MYBBP1A: variants seen among roughly 807,000 people sequenced by gnomAD.
The protein encoded by MYBBP1A is myb-binding protein 1A.
Under a neutral mutation model 136.3 loss-of-function variants are expected in MYBBP1A, and 147 were observed. That is an observed-to-expected ratio of 1.08 (90% confidence interval 0.94 to 1.24). The LOEUF is 1.24. Ranked by LOEUF, MYBBP1A falls within the 50% of genes most tolerant of loss-of-function variation. The pLI is 0.00. For missense variants in MYBBP1A, 2,060 were observed against 1,727.4 expected (o/e 1.19, Z -3.41); for synonymous variants, 947 against 735.8 (o/e 1.29, Z -4.65).
At chr17:4,543,309 C>T in intron 19 of MYBBP1A, 144 bp from the exon 20 acceptor site, 1 of 1,156,802 alleles carries the variant, frequency 8.6e-7, no homozygotes, top group Non-Finnish European at 1.2e-6. Flanking sequence ...GAGGAGGGCC[C>T]AGGGCCGCCT....
intron 23 of MYBBP1A, 67 bp from the exon 24 acceptor site, chr17:4,541,631 G>T (rs529816448): frequency 3.2e-6 from 5 of 1,548,912 alleles, no homozygotes; most frequent in East Asian, 2.2e-5. Context: ...TTCCCAGCCG[G>T]AAGTAAAGCC....
chr17:4,549,247 A>C, intron 10 of MYBBP1A, 85 bp downstream of exon 10: 1 of 1,177,080 alleles, frequency 8.5e-7, no homozygotes. Flanking sequence ...TTCTGGCTCC[A>C]GGGGATGCAA....
intron 19 of MYBBP1A, 43 bp downstream of exon 19, chr17:4,544,446 G>A (rs1446044660): frequency 2.6e-6 from 4 of 1,540,180 alleles, no homozygotes; most frequent in Non-Finnish European, 1.7e-6. Flanking sequence ...CTGCGCCTGG[G>A]GGCTGCCGGC....
chr17:4,540,259 C>T (rs1774011732), intron 25 of MYBBP1A, 89 bp downstream of exon 25: 1 of 1,471,306 alleles, frequency 6.8e-7, no homozygotes, highest in Non-Finnish European at 9.1e-7. Flanking sequence ...GCGTGTGCAG[C>T]AGCGTGTGTG....
intron 8 of MYBBP1A, 47 bp downstream of exon 8, chr17:4,551,833 C>A: frequency 6.4e-7 from 1 of 1,552,448 alleles, no homozygotes; most frequent in East Asian, 2.3e-5. Context: ...GGGAGAGCTC[C>A]ACGTCTAGCC....
In MYBBP1A at chr17:4,539,181, G is replaced by C; in HGVS notation, c.*234C>G. ...GCCCTGGACATGGCCCTGGAGCCAG[G>C]GTCCCAGCCCAGAACCGGGGGTGGG... On this transcript the variant is annotated 3_prime_UTR_variant, in exon 26 of 26. Transcript: ENST00000254718. 1 of 1,452,218 alleles carries C rather than the reference G, an allele frequency of 6.9e-7. No homozygotes were observed. The highest frequency in any genetic ancestry group is 9.0e-7 in the Non-Finnish European group (1 of 1,112,040). 90.0% of individuals were successfully genotyped at this position (1,452,218 alleles called of 1,614,324 possible).
rs909844679 is a variant in MYBBP1A, at chr17:4,549,420, G to A, written c.1342C>T (p.Leu448=). Reference sequence around the variant, plus strand: ...AATCGAAAGATGATCCATTTCCTCAGCCGGAACACAGCTCGCTCAGGCCTA... The same window carrying A: ...AATCGAAAGATGATCCATTTCCTCAACCGGAACACAGCTCGCTCAGGCCTA... The part of the protein sequence containing the change: ...LHMPERAVFR[L]RKWIIFRLVS... Residue 448 remains leucine, a synonymous_variant, in exon 10 of 26, where the codon CTG becomes TTG. Transcript: ENST00000254718. The A allele has an allele frequency of 5.0e-6, 8 of 1,612,934 alleles. No homozygotes were observed. Among genetic ancestry groups the A allele is most frequent in the Non-Finnish European group, 2.5e-6 (3 of 1,179,934 alleles).
chr17:4,544,371 G>A (rs996060496), intron 19 of MYBBP1A, 118 bp downstream of exon 19: 58 of 1,351,394 alleles, frequency 4.3e-5, no homozygotes, highest in Non-Finnish European at 1.2e-5. Flanking sequence ...GCGAGCTAGG[G>A]GCCCAGGCTG....
At chr17:4,543,538 A>G (rs1222994720) in intron 19 of MYBBP1A, among the ~76,000 whole-genome samples, 1 of 151,934 alleles carries the variant, frequency 6.6e-6, no homozygotes, top group Admixed American at 6.6e-5. Flanking sequence ...GTGGCCCTGC[A>G]GGGCCGGGGA....
At chr17:4,546,717 C>T (rs1907047854) in intron 13 of MYBBP1A, among the ~76,000 whole-genome samples, 1 of 152,182 alleles carries the variant, frequency 6.6e-6, no homozygotes, top group African/African-American at 2.4e-5. Context: ...GCGTGGTGTG[C>T]GCATGTGCGT....
At chr17:4,542,400 T>C (rs1192510638) in intron 22 of MYBBP1A, 64 bp downstream of exon 22, 1 of 1,518,052 alleles carries the variant, frequency 6.6e-7, no homozygotes, top group African/African-American at 1.4e-5. Flanking sequence ...CAATATCCAG[T>C]CAGAAGAGGG....
At chr17:4,544,059 C>A (rs1323455248) in intron 19 of MYBBP1A, among the ~76,000 whole-genome samples, 1 of 152,192 alleles carries the variant, frequency 6.6e-6, no homozygotes, top group Non-Finnish European at 1.5e-5. Context: ...CTGCCCAAGG[C>A]CTCCCAGCCT....
At position 4,552,277 on chromosome 17, in the gene MYBBP1A, C is replaced by T; in HGVS notation, c.753G>A (p.Leu251=). 3.7e-6 allele frequency: 6 copies of T among 1,614,110 alleles called. No homozygotes were observed. Among genetic ancestry groups the T allele is most frequent in the Non-Finnish European group, 5.1e-6 (6 of 1,180,042 alleles). The change falls in exon 7 of 26, where the codon CTG becomes CTA. Residue 251 remains leucine (L), a synonymous_variant. Transcript: ENST00000254718. The surrounding 1 kb of genome is among the most constrained non-coding windows in gnomAD (Gnocchi z 4.7). ...TCTTCACAGAGGAGGCGGCCATCTTCAGCACATTCACCAGCCTGCGGAGGG... is the reference window on the plus strand; with the variant it reads ...TCTTCACAGAGGAGGCGGCCATCTTTAGCACATTCACCAGCCTGCGGAGGG... ...DENVPRLVNV[L]KMAASSVKKD...
intron 24 of MYBBP1A, among the ~76,000 whole-genome samples, chr17:4,540,829 C>T (rs541085589): frequency 2.0e-4 from 31 of 152,030 alleles, no homozygotes; most frequent in African/African-American, 7.5e-4. Context: ...CCAACCCTGC[C>T]ACCTTCCTGC....
rs1907606719 is a variant in MYBBP1A at position 4,552,448 on chromosome 17, C to T, written c.737+3G>A. ...AGGGCAAATCCGCCCACCTCCATCA[C>T]ACCTGGGGACATTCTCATCTGAGAA... is the stretch of plus-strand genomic sequence containing the variant. On this transcript the variant is annotated splice_donor_region_variant and intron_variant, in intron 6 of 25. Coordinates refer to ENST00000254718, the MANE Select transcript of MYBBP1A (RefSeq NM_014520.4). This position sits in a 1 kb window ranked among gnomAD's most constrained non-coding sequence, Gnocchi z 4.7. 1.9e-6 allele frequency: 3 copies of T among 1,612,490 alleles called. No homozygotes were observed.
intron 17 of MYBBP1A, 36 bp downstream of exon 17, chr17:4,544,990 T>TGCCCC: frequency 1.6e-5 from 11 of 699,510 alleles, no homozygotes; most frequent in Non-Finnish European, 1.9e-5. Flanking sequence ...ACCCGAGCCC[T>TGCCCC]CCCCGGCCGC....
At chr17:4,551,787 C>T (rs1597388554) in intron 8 of MYBBP1A, 93 bp downstream of exon 8, 12 of 1,122,598 alleles carry the variant, frequency 1.1e-5, no homozygotes, top group Non-Finnish European at 1.6e-5. Flanking sequence ...ATAGCTCTAG[C>T]CAAGCCCCCG....
At chr17:4,553,651 CCT>C (rs1310936111) in intron 5 of MYBBP1A, among the ~76,000 whole-genome samples, 157 bp downstream of exon 5, 30 of 152,216 alleles carry the variant, frequency 2.0e-4, no homozygotes, top group Non-Finnish European at 4.0e-4. Context: ...CTAAATGACA[CCT>C]GTTTCTTTTT....
chr17:4,552,531 G>A lies in MYBBP1A; in HGVS notation c.657C>T (p.Leu219=), dbSNP rs754872752. The change falls in exon 6 of 26, where the codon CTC becomes CTT. Residue 219 remains leucine (L), a synonymous_variant. Transcript: ENST00000254718. This position sits in a 1 kb window ranked among gnomAD's most constrained non-coding sequence, Gnocchi z 4.7. ...TGGAGGGCACCTTCTGCTGGGCCAG[G>A]AGGAAGAGCTCTAGCTGTTCAGGGG... ...LSSPEQLELF[L]LAQQKVPSKL... The A allele has an allele frequency of 1.9e-6, 3 of 1,614,032 alleles. No homozygotes were observed. The highest frequency in any genetic ancestry group is 2.5e-6 in the Non-Finnish European group (3 of 1,180,028).
Sources: allele counts gnomAD v4.1 joint callset (sites outside exome capture counted in the v4.1 genomes callset), GRCh38; gene constraint gnomAD v4.1.1; non-coding constraint Gnocchi (gnomAD v3.1); transcripts MANE v1.5; gene names NCBI Gene and HGNC (gene_info 2026-07-23, HGNC 2026-07-21).